CDH18: variants seen among roughly 807,000 people sequenced by gnomAD.
CDH18 encodes the protein cadherin 18.
A neutral mutation model predicts 67.9 loss-of-function variants in CDH18; 31 were observed. That is an observed-to-expected ratio of 0.46 (90% CI 0.34 to 0.62). The LOEUF (loss-of-function observed/expected upper bound fraction) is 0.62, where lower values mean the gene tolerates loss of function less well. Ranked by LOEUF, CDH18 falls within the 20% of genes least tolerant of loss-of-function variation. The pLI is 0.01. For missense variants in CDH18, 890 were observed against 975.5 expected (o/e 0.91, Z 1.17); for synonymous variants, 362 against 347.2 (o/e 1.04, Z -0.48).
At chr5:20,234,535 C>A (rs1021356664) in intron 2 of CDH18, among the ~76,000 whole-genome samples, 4 of 152,026 alleles carry the variant, frequency 2.6e-5, no homozygotes, top group Non-Finnish European at 5.9e-5. Context: ...AAGATGATGG[C>A]CATCTGTAAA....
intron 1 of CDH18, among the ~76,000 whole-genome samples, chr5:20,573,469 G>A (rs1758921605): frequency 6.6e-6 from 1 of 151,306 alleles, no homozygotes; most frequent in African/African-American, 2.4e-5. Flanking sequence ...AAAATTCAAA[G>A]TAATTTGTAT....
intron 1 of CDH18, among the ~76,000 whole-genome samples, chr5:19,982,726 A>G (rs767437809): frequency 8.5e-5 from 13 of 152,242 alleles, no homozygotes; most frequent in Non-Finnish European, 1.6e-4. Context: ...CTGTGTCAAC[A>G]TTGGTTTCAG....
rs1745042561 is a variant in CDH18, at chr5:19,591,044, ATG to A, written c.999+11_999+12del. 1 of 1,526,972 alleles carries A rather than the reference ATG, an allele frequency of 6.5e-7. No individual in the cohort carries two copies. Among genetic ancestry groups the A allele is most frequent in the East Asian group, 2.3e-5 (1 of 42,916 alleles). 94.6% of individuals were successfully genotyped at this position (1,526,972 alleles called of 1,614,324 possible). On this transcript the variant is annotated intron_variant, in intron 7 of 12. Transcript: ENST00000382275. Reference sequence around the variant, plus strand: ...GTGAGTTGCCTGAATCACAAAAAGTATGTTCTTTTTACCTTCTTTAAAGAAAG... The same window carrying A: ...GTGAGTTGCCTGAATCACAAAAAGTATTCTTTTTACCTTCTTTAAAGAAAG...
At chr5:19,487,975 T>G (rs1740676817) in intron 11 of CDH18, among the ~76,000 whole-genome samples, 1 of 152,182 alleles carries the variant, frequency 6.6e-6, no homozygotes, top group African/African-American at 2.4e-5. Flanking sequence ...AATATATTGT[T>G]AGGTAGTTAT....
chr5:19,978,194 C>G (rs62353346), intron 2 of CDH18, among the ~76,000 whole-genome samples: 66,972 of 151,842 alleles, frequency 0.44, 16,556 homozygotes, highest in Middle Eastern at 0.64. Context: ...CACATAAACA[C>G]TAATAATATA....
chr5:20,371,728 A>C (rs936597043), intron 1 of CDH18, among the ~76,000 whole-genome samples: 10 of 152,190 alleles, frequency 6.6e-5, no homozygotes, highest in African/African-American at 2.4e-4. Flanking sequence ...CAGCACATGG[A>C]AAGTTCCTAA....
intron 2 of CDH18, among the ~76,000 whole-genome samples, chr5:20,082,900 C>T (rs532077393): frequency 6.6e-6 from 1 of 152,282 alleles, no homozygotes; most frequent in South Asian, 2.1e-4. Flanking sequence ...TCAGAGGAAT[C>T]AACCCTGCCA....
intron 2 of CDH18, among the ~76,000 whole-genome samples, chr5:20,165,761 C>A (rs545949858): frequency 1.3e-5 from 2 of 152,034 alleles, no homozygotes; most frequent in African/African-American, 4.8e-5. Flanking sequence ...TGGTTTAATT[C>A]TTATGAATAA....
At chr5:20,213,215 G>C (rs1306242175) in intron 2 of CDH18, among the ~76,000 whole-genome samples, 28 of 152,174 alleles carry the variant, frequency 1.8e-4, no homozygotes, top group Non-Finnish European at 4.0e-4. Flanking sequence ...GGCCTAAAGA[G>C]AGAGAAGAGA....
At position 20,554,609 on chromosome 5, in the gene CDH18, T is replaced by C. The variant is rs144910626; in HGVS notation, c.-580+20853A>G. ...CTTTTTTATGTTTTGCATAACATCT[T>C]CCAAAGATAGCAATAGTTTCTCTCA... On this transcript the variant is annotated intron_variant, in intron 1 of 14. Coordinates refer to the CDH18 transcript ENST00000507958. Among the ~76,000 whole-genome samples the C allele has an allele frequency of 4.4e-3, 667 of 152,316 alleles. 3 individuals carry two copies. The highest frequency in any genetic ancestry group is 0.015 in the African/African-American group (629 of 41,564).
chr5:20,304,523 C>T (rs1736246901), intron 1 of CDH18: 2 of 1,608,426 alleles, frequency 1.2e-6, no homozygotes, highest in East Asian at 2.2e-5. Context: ...GACTGGTTTA[C>T]TCTGGTAATA....
intron 3 of CDH18, among the ~76,000 whole-genome samples, chr5:19,768,459 A>T (rs1233520382): frequency 1.3e-5 from 2 of 152,120 alleles, no homozygotes; most frequent in African/African-American, 2.4e-5. Context: ...AAGAACATAG[A>T]TCTAACTTCT....
At chr5:20,096,250 T>A (rs1379571075) in intron 2 of CDH18, among the ~76,000 whole-genome samples, 1 of 152,170 alleles carries the variant, frequency 6.6e-6, no homozygotes, top group African/African-American at 2.4e-5. Context: ...TTTTTTAAAC[T>A]GAAAAGACAG....
chr5:19,646,474 G>C (rs1283263074), intron 5 of CDH18, among the ~76,000 whole-genome samples: 8 of 151,920 alleles, frequency 5.3e-5, no homozygotes, highest in African/African-American at 9.7e-5. Context: ...TGAGTAGCTG[G>C]GACTACAGGC....
At chr5:20,400,129 T>C (rs187248450) in intron 1 of CDH18, among the ~76,000 whole-genome samples, 159 of 152,340 alleles carry the variant, frequency 1.0e-3, no homozygotes, top group African/African-American at 3.6e-3. Context: ...TCGACTCATC[T>C]ACATGTTTGT....
At chr5:20,516,578 G>C (rs1262817762) in intron 1 of CDH18, among the ~76,000 whole-genome samples, 1 of 151,806 alleles carries the variant, frequency 6.6e-6, no homozygotes, top group Non-Finnish European at 1.5e-5. Context: ...CAGTATCTGG[G>C]ATAAGAATGC....
At chr5:20,385,132 T>C (rs922390454) in intron 1 of CDH18, among the ~76,000 whole-genome samples, 1 of 152,184 alleles carries the variant, frequency 6.6e-6, no homozygotes, top group Non-Finnish European at 1.5e-5. Context: ...CCACCACACC[T>C]GGCCTTGTTA....
intron 2 of CDH18, among the ~76,000 whole-genome samples, chr5:20,144,599 A>C (rs894821015): frequency 6.6e-6 from 1 of 152,114 alleles, no homozygotes; most frequent in African/African-American, 2.4e-5. Context: ...TGTTGGAATG[A>C]GTTAAGATTT....
In CDH18 at chr5:20,234,198, C is replaced by T. The variant is rs148062853; in HGVS notation, c.-518+21246G>A. ...CCAGTTTAAATAAGGAGAGTTAGTT[C>T]AAATAAGCAGGATCATCCAAGCAAC... On this transcript the variant is annotated intron_variant, in intron 2 of 14. Coordinates refer to the CDH18 transcript ENST00000507958. Among the ~76,000 whole-genome samples the T allele has an allele frequency of 5.7e-4, 86 of 152,202 alleles. No homozygotes were observed. The South Asian group carries it at 0.016, about 28-fold the overall frequency.
Sources: allele counts gnomAD v4.1 joint callset (sites outside exome capture counted in the v4.1 genomes callset), GRCh38; gene constraint gnomAD v4.1.1; transcripts MANE v1.5; gene names NCBI Gene and HGNC (gene_info 2026-07-23, HGNC 2026-07-21).